The following SLC41A1 variants were observed in gnomAD, a reference collection of about 807,000 sequenced individuals.
SLC41A1 encodes the protein solute carrier family 41 member 1.
In SLC41A1, 20 loss-of-function variants were observed where a neutral mutation model predicts 47.3. The ratio of observed to expected loss-of-function variants is 0.42; its 90% CI spans 0.30 to 0.61. The LOEUF (loss-of-function observed/expected upper bound fraction) is 0.61, where lower values mean the gene tolerates loss of function less well. SLC41A1 is among the 20% of genes least tolerant of loss of function. The probability of loss-of-function intolerance (pLI) is 0.17; values close to 1 mark genes in which losing one functional copy is unlikely to be tolerated. For missense variants in SLC41A1, 504 were observed against 674.1 expected, an observed-to-expected ratio of 0.75 and a Z score of 2.79; for synonymous variants, 282 against 272.7, an observed-to-expected ratio of 1.03 and a Z score of -0.34.
At chr1:205,803,431 G>GGAAT (rs1655935331) in intron 2 of SLC41A1, among the ~76,000 whole-genome samples, 1 of 152,034 alleles carries the variant, frequency 6.6e-6, no homozygotes, top group African/African-American at 2.4e-5. Flanking sequence ...TGTCCATCAA[G>GGAAT]GAATGAATGG....
At chr1:205,795,707 C>T (rs1655735003) in intron 8 of SLC41A1, 1 of 609,710 alleles carries the variant, frequency 1.6e-6, no homozygotes, top group East Asian at 2.8e-5. Flanking sequence ...CCCCATCCTC[C>T]CCTCTATGGA....
At position 205,796,667 on chromosome 1, in the gene SLC41A1, T is replaced by A. The variant is rs823157; in HGVS notation, c.1072+257A>T. The A allele has an allele frequency of 0.84, 471,232 of 559,716 alleles. 201,286 individuals are homozygous for A. The highest frequency in any genetic ancestry group is 0.9 in the Non-Finnish European group (279,290 of 311,112). 34.7% of individuals were successfully genotyped at this position (559,716 alleles called of 1,614,324 possible). On this transcript the variant is annotated intron_variant, in intron 8 of 10. Transcript: ENST00000367137. Reference sequence around the variant, plus strand: ...TGTTCTAGCAACAGATAATGGACTATGATACTCCCCTTGACCCTTTAGGAG... The same window carrying A: ...TGTTCTAGCAACAGATAATGGACTAAGATACTCCCCTTGACCCTTTAGGAG...
intron 4 of SLC41A1, 48 bp from the exon 5 acceptor site, chr1:205,799,149 C>T: frequency 6.2e-7 from 1 of 1,610,070 alleles, no homozygotes; most frequent in Non-Finnish European, 8.5e-7. Flanking sequence ...CAGTGGGCTT[C>T]CTAAGCTGAG....
At chr1:205,799,241 G>A in intron 4 of SLC41A1, 140 bp from the exon 5 acceptor site, 1 of 1,147,904 alleles carries the variant, frequency 8.7e-7, no homozygotes, top group Non-Finnish European at 1.3e-6. Flanking sequence ...AGTCCTCCCA[G>A]GCTGGAAGGA....
intron 2 of SLC41A1, among the ~76,000 whole-genome samples, chr1:205,802,921 C>A (rs1365404282): frequency 6.6e-6 from 1 of 152,106 alleles, no homozygotes; most frequent in African/African-American, 2.4e-5. Context: ...GTAATCCCAG[C>A]ACTTTGGGAG....
In SLC41A1 at chr1:205,807,822, A is replaced by AT. The variant is rs141881589; in HGVS notation, c.372+2247dup. Among the ~76,000 whole-genome samples the AT allele has an allele frequency of 4.1e-3, 569 of 139,258 alleles. 2 individuals carry two copies. Among genetic ancestry groups the AT allele is most frequent in the South Asian group, 0.011 (46 of 4,292 alleles). 91.4% of individuals were successfully genotyped at this position (139,258 alleles called of 152,430 possible). ...TACGAGAATGCCACCATGCCTGACT[A>AT]TTTTTTTTTTTTTTGGTAGAGACAA... On this transcript the variant is annotated intron_variant, in intron 2 of 10. Transcript: ENST00000367137.
At chr1:205,799,926 T>G in intron 3 of SLC41A1, 96 bp from the exon 4 acceptor site, 2 of 1,059,214 alleles carry the variant, frequency 1.9e-6, no homozygotes, top group Non-Finnish European at 2.9e-6. Flanking sequence ...GCAGTACATG[T>G]GGCCTAAGAC....
At chr1:205,801,101 A>G (rs1655867467) in intron 2 of SLC41A1, 41 bp from the exon 3 acceptor site, 1 of 1,537,866 alleles carries the variant, frequency 6.5e-7, no homozygotes. Context: ...CAGTGCCCCA[A>G]AGGGCGGGCA....
Position 205,799,005 on chromosome 1 carries a change from G to C in SLC41A1, c.649C>G (p.Leu217Val). 1 of 1,614,074 alleles carries C rather than the reference G, an allele frequency of 6.2e-7. No homozygotes were observed. Among genetic ancestry groups the C allele is most frequent in the South Asian group, 1.1e-5 (1 of 91,090 alleles). ...GHFSIPHAFLLCASSVATAFI... is the reference protein window; with the variant it reads ...GHFSIPHAFLVCASSVATAFI... ...GCTGTGGCCACGCTGCTAGCACAGA[G>C]CAGGAAGGCGTGCGGAATACTGAAG... Residue 217 changes from leucine (L) to valine (V), a missense_variant, in exon 5 of 11, where the codon CTC (leucine) becomes GTC (valine). Physicochemically the swap from Leu to Val is conservative, Grantham distance 32. Coordinates refer to ENST00000367137, the MANE Select transcript of SLC41A1 (RefSeq NM_173854.6).
Position 205,790,814 on chromosome 1 carries a change from T to G in SLC41A1, c.*719A>C, listed in dbSNP as rs560142001. On this transcript the variant is annotated 3_prime_UTR_variant, in exon 11 of 11. Transcript: ENST00000367137. The stretch of plus-strand genomic sequence containing the variant: ...GGACATGGGTCAACAGGGAGAAGAG[T>G]GCACTGTTCCATTTTTTCCTGGATA... The G allele has an allele frequency of 9.1e-5, 14 of 153,258 alleles. No individual in the cohort carries two copies. Among genetic ancestry groups the G allele is most frequent in the Admixed American group, 2.6e-4 (4 of 15,510 alleles). 9.5% of individuals were successfully genotyped at this position (153,258 alleles called of 1,614,324 possible).
Position 205,791,059 on chromosome 1 carries a change from A to G in SLC41A1, c.*474T>C. The G allele has an allele frequency of 4.3e-6, 1 of 231,344 alleles. No individual in the cohort carries two copies. The highest frequency in any genetic ancestry group is 6.0e-5 in the South Asian group (1 of 16,540). 14.3% of individuals were successfully genotyped at this position (231,344 alleles called of 1,614,324 possible). On this transcript the variant is annotated 3_prime_UTR_variant, in exon 11 of 11. Transcript: ENST00000367137. The surrounding 1 kb of genome is among the most constrained non-coding windows in gnomAD (Gnocchi z 4.0). ...GAAGTTGGTCCACTTCTACAAAAGT[A>G]TGTCTGTGTTTGGGAGTGTTACTTA...
chr1:205,803,702 A>C (rs568877172), intron 2 of SLC41A1, among the ~76,000 whole-genome samples: 224 of 150,440 alleles, frequency 1.5e-3, no homozygotes, highest in African/African-American at 5.1e-3. Flanking sequence ...CAGTGGTGCA[A>C]TCATGGCTTC....
At position 205,789,594 on chromosome 1, in the gene SLC41A1, G is replaced by C. The variant is rs1655572143; in HGVS notation, c.*1939C>G. On this transcript the variant is annotated 3_prime_UTR_variant, in exon 11 of 11. Coordinates refer to ENST00000367137, the MANE Select transcript of SLC41A1 (RefSeq NM_173854.6). ...GAGGAAAAGATGAAAAAAGTCCAGA[G>C]GGAGGAGGAAAAACAAGCCCAGGCT... 1.3e-5 allele frequency: 2 copies of C among 152,220 alleles called. No individual in the cohort carries two copies. The highest frequency in any genetic ancestry group is 6.5e-5 in the Admixed American group (1 of 15,278). The allele number at this position is 152,220 out of a possible 1,614,324, so 9.4% of individuals were successfully genotyped here. A position where few individuals can be genotyped will look rare whatever the true frequency, so the allele number is the denominator to read the frequency against.
chr1:205,808,301 A>G (rs1656063390), intron 2 of SLC41A1, among the ~76,000 whole-genome samples: 1 of 152,184 alleles, frequency 6.6e-6, no homozygotes, highest in Non-Finnish European at 1.5e-5. Context: ...GCCATGGCGA[A>G]GGCCACAGGG....
At chr1:205,795,090 C>T in intron 9 of SLC41A1, 72 bp from the exon 10 acceptor site, 3 of 1,589,194 alleles carry the variant, frequency 1.9e-6, no homozygotes, top group Non-Finnish European at 2.6e-6. Flanking sequence ...CTTTCAAAGT[C>T]AGGAGGGACG....
rs1357575233 is a variant in SLC41A1, at chr1:205,792,937, CTCTT to C, written c.1357-1223_1357-1220del. 2.3e-4 allele frequency among the ~76,000 whole-genome samples: 34 copies of C among 150,100 alleles called. 1 individual carries two copies. Among genetic ancestry groups the C allele is most frequent in the Admixed American group, 4.6e-4 (7 of 15,142 alleles). The stretch of plus-strand genomic sequence containing the variant: ...AATCTTGGTTGCTCTCCTGTCCTCT[CTCTT>C]TTTTTTTTTTTAAATTTTAGGCTCT... On this transcript the variant is annotated intron_variant, in intron 10 of 10. Coordinates refer to ENST00000367137, the MANE Select transcript of SLC41A1 (RefSeq NM_173854.6).
chr1:205,799,316 G>A (rs577725459), intron 4 of SLC41A1, among the ~76,000 whole-genome samples: 1 of 152,358 alleles, frequency 6.6e-6, no homozygotes, highest in East Asian at 1.9e-4. Context: ...CAGGAGCCCA[G>A]AACATGTTAC....
intron 2 of SLC41A1, among the ~76,000 whole-genome samples, chr1:205,807,895 G>T (rs989712748): frequency 6.6e-6 from 1 of 150,656 alleles, no homozygotes. Context: ...GGCTTCAAGC[G>T]ATCCTCCTGC....
At chr1:205,803,899 G>A (rs1655950806) in intron 2 of SLC41A1, among the ~76,000 whole-genome samples, 2 of 152,148 alleles carry the variant, frequency 1.3e-5, no homozygotes, top group African/African-American at 4.8e-5. Context: ...GGGACTACAG[G>A]TATGAGGCAC....
Sources: gnomAD v4.1 joint callset for allele counts (sites outside exome capture counted in the v4.1 genomes callset) on GRCh38, gnomAD v4.1.1 for gene constraint, Gnocchi (gnomAD v3.1) non-coding constraint, MANE v1.5 for transcripts, NCBI Gene and HGNC (gene_info 2026-07-23, HGNC 2026-07-21) for gene names.